Variants in SPON1 observed in about 807,000 individuals in gnomAD.
The protein encoded by SPON1 is spondin-1.
Under a neutral mutation model 111.7 loss-of-function variants are expected in SPON1, and 52 were observed. That is an observed-to-expected ratio of 0.47 (90% CI 0.37 to 0.59). SPON1 has a LOEUF of 0.59. Among genes scored for constraint, SPON1 ranks in the 20% least tolerant of loss-of-function variants. SPON1 has a pLI of 0.00. For synonymous variants in SPON1, 410 were observed against 395.8 expected (o/e 1.04, Z -0.43); for missense variants, 957 against 1,068.5 (o/e 0.90, Z 1.46).
At position 14,266,443 on chromosome 11, in the gene SPON1, T is replaced by C. The variant is rs1437859516; in HGVS notation, c.*756T>C. On this transcript the variant is annotated 3_prime_UTR_variant, in exon 16 of 16. Transcript: ENST00000576479. ...TTGCTTTTGGGGGTTCAGAGGAGTA[T>C]GTACAATTCTTCTGGGAAGCCAGCC... 6.6e-6 allele frequency: 1 copy of C among 152,088 alleles called. No homozygotes were observed. The highest frequency in any genetic ancestry group is 1.5e-5 in the Non-Finnish European group (1 of 68,016). 9.4% of individuals were successfully genotyped at this position (152,088 alleles called of 1,614,324 possible).
Position 14,202,757 on chromosome 11 carries a change from A to G in SPON1, c.826-40575A>G, listed in dbSNP as rs540329557. Among the ~76,000 whole-genome samples, 14 of 152,226 alleles carry G rather than the reference A, an allele frequency of 9.2e-5. 1 individual carries two copies. In the South Asian group the frequency reaches 2.5e-3, roughly 27 times the overall value. On this transcript the variant is annotated intron_variant, in intron 6 of 15. Coordinates refer to ENST00000576479, the MANE Select transcript of SPON1 (RefSeq NM_006108.4). Reference sequence around the variant, plus strand: ...ATTTTTGCAGGTGGCTAATATCATCAATTATTTTACTCACTCAACTCTCAG... The same window carrying G: ...ATTTTTGCAGGTGGCTAATATCATCGATTATTTTACTCACTCAACTCTCAG...
At chr11:14,125,531 A>G (rs1847448662) in intron 5 of SPON1, among the ~76,000 whole-genome samples, 1 of 152,200 alleles carries the variant, frequency 6.6e-6, no homozygotes, top group Non-Finnish European at 1.5e-5. Flanking sequence ...GAAAAGTACT[A>G]TGGGTGAGGC....
At chr11:14,107,590 G>GAAAA (rs3047369) in intron 5 of SPON1, among the ~76,000 whole-genome samples, 2 of 119,266 alleles carry the variant, frequency 1.7e-5, no homozygotes, top group African/African-American at 6.3e-5. Flanking sequence ...AGATCCTCAG[G>GAAAA]AAAAAAAAAA....
intron 6 of SPON1, among the ~76,000 whole-genome samples, chr11:14,204,880 G>A (rs1848501270): frequency 6.6e-6 from 1 of 151,324 alleles, no homozygotes; most frequent in South Asian, 2.1e-4. Context: ...GTAGACACGG[G>A]GTTTCACCGT....
At chr11:14,046,314 A>G (rs367653252) in intron 3 of SPON1, among the ~76,000 whole-genome samples, 79 of 152,258 alleles carry the variant, frequency 5.2e-4, no homozygotes, top group African/African-American at 1.9e-3. Flanking sequence ...GGCTCCAACT[A>G]CAGGAACACA....
chr11:14,179,198 G>T (rs563330949), intron 6 of SPON1, among the ~76,000 whole-genome samples: 3 of 152,102 alleles, frequency 2.0e-5, no homozygotes. Flanking sequence ...TGAAGAAAGC[G>T]TCATTCAGCT....
At chr11:14,192,406 T>G (rs1554934653) in intron 6 of SPON1, among the ~76,000 whole-genome samples, 1 of 152,210 alleles carries the variant, frequency 6.6e-6, no homozygotes, top group Non-Finnish European at 1.5e-5. Context: ...ATAAGTCATT[T>G]GTAGCTTTGA....
At position 14,135,390 on chromosome 11, in the gene SPON1, T is replaced by A. The variant is rs1554927954; in HGVS notation, c.677-30T>A. The stretch of plus-strand genomic sequence containing the variant: ...ACTCGTGTTTCAGCCACAGCCATGC[T>A]GATAACTGCCTCCTGATTGGCTTTC... On this transcript the variant is annotated intron_variant, in intron 5 of 15. Coordinates refer to ENST00000576479, the MANE Select transcript of SPON1 (RefSeq NM_006108.4). This position sits in a 1 kb window ranked among gnomAD's most constrained non-coding sequence, Gnocchi z 4.4. 3.1e-6 allele frequency: 5 copies of A among 1,596,452 alleles called. No individual in the cohort carries two copies. The highest frequency in any genetic ancestry group is 4.3e-6 in the Non-Finnish European group (5 of 1,167,242).
At chr11:14,007,758 G>C (rs971855400) in intron 2 of SPON1, among the ~76,000 whole-genome samples, 1 of 152,164 alleles carries the variant, frequency 6.6e-6, no homozygotes, top group African/African-American at 2.4e-5. Context: ...ACAGGCCACA[G>C]ACTGGGGGCT....
At chr11:14,201,165 C>A (rs1354095723) in intron 6 of SPON1, among the ~76,000 whole-genome samples, 1 of 151,770 alleles carries the variant, frequency 6.6e-6, no homozygotes, top group Non-Finnish European at 1.5e-5. Flanking sequence ...ATGGTGAAAC[C>A]CCATCTCTAC....
chr11:14,197,365 G>C (rs1325369436), intron 6 of SPON1, among the ~76,000 whole-genome samples: 1 of 152,012 alleles, frequency 6.6e-6, no homozygotes, highest in Non-Finnish European at 1.5e-5. Flanking sequence ...TTTGCCCTCA[G>C]TGCCCGAAAG....
chr11:14,088,305 G>A (rs186143864), intron 5 of SPON1, among the ~76,000 whole-genome samples: 50 of 152,280 alleles, frequency 3.3e-4, no homozygotes, highest in African/African-American at 3.1e-4. Context: ...TCCTTCAGGA[G>A]CTCTTGTAAG....
At chr11:14,099,432 C>G (rs1225999531) in intron 5 of SPON1, among the ~76,000 whole-genome samples, 2 of 151,980 alleles carry the variant, frequency 1.3e-5, no homozygotes, top group African/African-American at 4.8e-5. Flanking sequence ...TGCTGATTTT[C>G]CCATTTTGTT....
chr11:14,127,743 T>A (rs1242675781), intron 5 of SPON1, among the ~76,000 whole-genome samples: 2 of 152,210 alleles, frequency 1.3e-5, no homozygotes, highest in African/African-American at 4.8e-5. Context: ...CGTGTATTAG[T>A]CCATTTTCAC....
intron 6 of SPON1, among the ~76,000 whole-genome samples, chr11:14,160,798 AT>A (rs1301339372): frequency 5.8e-5 from 2 of 34,434 alleles, no homozygotes; most frequent in African/African-American, 1.0e-4. Context: ...ATATTTATAT[AT>A]TTTTATATAT....
At chr11:14,136,562 C>T (rs2133861388) in intron 6 of SPON1, among the ~76,000 whole-genome samples, 1 of 152,314 alleles carries the variant, frequency 6.6e-6, no homozygotes, top group Middle Eastern at 3.4e-3. Flanking sequence ...CTGAGGCCCG[C>T]AGTGTTCCCC....
chr11:13,997,386 A>C (rs1337128636), intron 2 of SPON1, among the ~76,000 whole-genome samples: 1 of 152,238 alleles, frequency 6.6e-6, no homozygotes, highest in African/African-American at 2.4e-5. Flanking sequence ...TAGCTAAGTC[A>C]AGAAGTCTCT....
chr11:14,044,606 C>T (rs1164550996), intron 3 of SPON1, among the ~76,000 whole-genome samples: 5 of 152,158 alleles, frequency 3.3e-5, no homozygotes, highest in African/African-American at 1.2e-4. Context: ...AGTGAAACCC[C>T]ATCTCAAATA....
intron 6 of SPON1, among the ~76,000 whole-genome samples, chr11:14,151,719 C>A (rs1172719200): frequency 1.3e-5 from 2 of 152,174 alleles, no homozygotes; most frequent in Non-Finnish European, 2.9e-5. Flanking sequence ...AATCACAGTT[C>A]TAATTGTTCT....
Sources: allele counts gnomAD v4.1 joint callset (sites outside exome capture counted in the v4.1 genomes callset), GRCh38; gene constraint gnomAD v4.1.1; non-coding constraint Gnocchi (gnomAD v3.1); transcripts MANE v1.5; gene names NCBI Gene and HGNC (gene_info 2026-07-23, HGNC 2026-07-21).